KANK4: variants seen among roughly 807,000 people sequenced by gnomAD.
The protein encoded by KANK4 is KN motif and ankyrin repeat domain-containing protein 4.
A neutral mutation model predicts 80.8 loss-of-function variants in KANK4; 50 were observed. The ratio of observed to expected loss-of-function variants is 0.62; its 90% CI spans 0.49 to 0.78. The LOEUF is 0.78. KANK4 is among the 30% of genes least tolerant of loss of function. The pLI is 0.00. For synonymous variants in KANK4, 465 were observed against 506.9 expected (o/e 0.92, Z 1.11); for missense variants, 1,196 against 1,240.1 (o/e 0.96, Z 0.53).
intron 9 of KANK4, among the ~76,000 whole-genome samples, chr1:62,241,172 GC>G (rs3841630): frequency 0.28 from 42,298 of 152,074 alleles, 6,803 homozygotes; most frequent in Non-Finnish European, 0.36. Flanking sequence ...CACTCTTCAG[GC>G]TTTTTCCCAT....
chr1:62,282,862 C>G (rs1283405900), intron 1 of KANK4, among the ~76,000 whole-genome samples: 3 of 152,214 alleles, frequency 2.0e-5, no homozygotes, highest in African/African-American at 7.2e-5. Context: ...GAGTACCTTG[C>G]TTACCTCTGA....
rs139841038 is a variant in KANK4 at position 62,265,831 on chromosome 1, A to C, written c.2319+901T>G. On this transcript the variant is annotated intron_variant, in intron 6 of 9. Transcript: ENST00000371153. ...AAGCCATGAAGGTGTGAAGGAGCCA[A>C]TGCGTATTTTCTTGTTTTCAGTCTC... Among the ~76,000 whole-genome samples, 3 of 152,370 alleles carry C rather than the reference A, an allele frequency of 2.0e-5. No individual in the cohort carries two copies. In the East Asian group the frequency reaches 5.8e-4, roughly 29 times the overall value.
At chr1:62,298,446 G>A (rs1393848834) in intron 1 of KANK4, among the ~76,000 whole-genome samples, 1 of 152,150 alleles carries the variant, frequency 6.6e-6, no homozygotes, top group Non-Finnish European at 1.5e-5. Flanking sequence ...GTCTGGAGTG[G>A]GGCCTCATAG....
At chr1:62,260,449 T>C (rs1348895642) in intron 7 of KANK4, among the ~76,000 whole-genome samples, 1 of 152,138 alleles carries the variant, frequency 6.6e-6, no homozygotes, top group Non-Finnish European at 1.5e-5. Context: ...TCTGTTCCTC[T>C]TCTTTCTTGG....
intron 3 of KANK4, 113 bp downstream of exon 3, chr1:62,273,091 G>T: frequency 1.3e-6 from 1 of 765,838 alleles, no homozygotes; most frequent in Non-Finnish European, 2.0e-6. Context: ...GCTCCCAGCT[G>T]CTAAAATCTT....
At chr1:62,238,872 C>T (rs528096004) in intron 9 of KANK4, among the ~76,000 whole-genome samples, 3 of 152,130 alleles carry the variant, frequency 2.0e-5, no homozygotes, top group South Asian at 4.1e-4. Context: ...TGAAGTGGTC[C>T]GCCCACCTTG....
At chr1:62,292,630 C>G (rs2666466) in intron 1 of KANK4, among the ~76,000 whole-genome samples, 133 of 152,294 alleles carry the variant, frequency 8.7e-4, no homozygotes, top group African/African-American at 3.1e-3. Flanking sequence ...CTATAAAAGC[C>G]TTCCTCCAAT....
chr1:62,267,421 C>T (rs1672048921), intron 5 of KANK4, among the ~76,000 whole-genome samples: 1 of 152,172 alleles, frequency 6.6e-6, no homozygotes, highest in Non-Finnish European at 1.5e-5. Context: ...AAACTCCTAA[C>T]CTCAAGGGAT....
At chr1:62,312,136 A>T (rs1001971656) in intron 1 of KANK4, among the ~76,000 whole-genome samples, 1 of 152,176 alleles carries the variant, frequency 6.6e-6, no homozygotes, top group Non-Finnish European at 1.5e-5. Flanking sequence ...AATTAATAAA[A>T]TTTTTTAAAT....
At chr1:62,263,773 A>T (rs1181575056) in intron 6 of KANK4, among the ~76,000 whole-genome samples, 2 of 152,208 alleles carry the variant, frequency 1.3e-5, no homozygotes, top group African/African-American at 4.8e-5. Context: ...CTAATGGGAA[A>T]CATGCATGCG....
At chr1:62,261,071 C>G (rs903368479) in intron 7 of KANK4, among the ~76,000 whole-genome samples, 4 of 152,080 alleles carry the variant, frequency 2.6e-5, no homozygotes, top group African/African-American at 9.7e-5. Context: ...TCTCCTCTTG[C>G]AGCCCACTGC....
chr1:62,272,237 G>C (rs1672180401), intron 3 of KANK4: 1 of 152,948 alleles, frequency 6.5e-6, no homozygotes, highest in Non-Finnish European at 1.5e-5. Flanking sequence ...AAGAGGGTTT[G>C]ATCTGTTACA....
At chr1:62,285,309 C>T (rs921889930) in intron 1 of KANK4, among the ~76,000 whole-genome samples, 1 of 152,194 alleles carries the variant, frequency 6.6e-6, no homozygotes. Context: ...CGTGCAGCTA[C>T]CAGGCCAGAC....
rs2149142637 is a variant in KANK4 at position 62,273,626 on chromosome 1, C to T, written c.1478G>A (p.Ser493Asn). The T allele has an allele frequency of 1.2e-6, 2 of 1,614,162 alleles. No homozygotes were observed. The highest frequency in any genetic ancestry group is 4.5e-5 in the East Asian group (2 of 44,878). Residue 493 changes from serine to asparagine, a missense_variant, in exon 3 of 10, where the codon AGC becomes AAC. Around this residue, in one of 3 missense-constraint regions of KANK4, gnomAD observed 1,154 missense variants for 1,179.6 expected, o/e 0.98. Coordinates refer to ENST00000371153, the MANE Select transcript of KANK4 (RefSeq NM_181712.5). ...PEQVLTSSVH[S>N]FLSTELRIEE... ...AATCCTGAGTTCAGTGGAGAGGAAG[C>T]TATGTACAGAGGAGGTAAGGACCTG...
At chr1:62,299,807 G>A (rs779511574) in intron 1 of KANK4, among the ~76,000 whole-genome samples, 2 of 151,508 alleles carry the variant, frequency 1.3e-5, no homozygotes, top group Non-Finnish European at 3.0e-5. Context: ...TTTGGAGTGG[G>A]AGAGAGATGT....
intron 7 of KANK4, among the ~76,000 whole-genome samples, chr1:62,259,556 C>T (rs1268939580): frequency 1.3e-5 from 2 of 152,064 alleles, no homozygotes; most frequent in Non-Finnish European, 2.9e-5. Context: ...GGATTATAGG[C>T]GTGAGCCACC....
Position 62,264,927 on chromosome 1 carries a change from G to A in KANK4, c.2320-1616C>T, listed in dbSNP as rs148309495. Among the ~76,000 whole-genome samples, 7 of 152,284 alleles carry A rather than the reference G, an allele frequency of 4.6e-5. No individual in the cohort carries two copies. In the East Asian group the frequency reaches 1.4e-3, roughly 29 times the overall value. On this transcript the variant is annotated intron_variant, in intron 6 of 9. Transcript: ENST00000371153. ...GCTTGCTGTAACCTCCACCTCCTGG[G>A]TTCAAGCAATTCTCCTGCCTCAGCC...
chr1:62,264,035 T>C (rs1214211728), intron 6 of KANK4, among the ~76,000 whole-genome samples: 1 of 152,178 alleles, frequency 6.6e-6, no homozygotes, highest in East Asian at 1.9e-4. Flanking sequence ...GAAGAGAAGC[T>C]ATTGAGAAAT....
intron 1 of KANK4, among the ~76,000 whole-genome samples, chr1:62,308,177 G>C (rs1644468627): frequency 6.6e-6 from 1 of 152,170 alleles, no homozygotes; most frequent in Admixed American, 6.5e-5. Context: ...AGTGTTTTCT[G>C]CATGATTCAG....
Sources: allele counts gnomAD v4.1 joint callset (sites outside exome capture counted in the v4.1 genomes callset), GRCh38; gene constraint gnomAD v4.1.1; regional missense constraint gnomAD v4.1.1; transcripts MANE v1.5; gene names NCBI Gene and HGNC (gene_info 2026-07-23, HGNC 2026-07-21).